CRYBB1: variants seen among roughly 807,000 people sequenced by gnomAD.
The protein encoded by CRYBB1 is crystallin beta B1.
CRYBB1 carries 16 observed loss-of-function variants against 29.5 expected under a neutral mutation model. The observed-to-expected ratio is 0.54, with a 90% confidence interval of 0.37 to 0.82. The LOEUF is 0.82. Among genes scored for constraint, CRYBB1 ranks in the 40% least tolerant of loss-of-function variants. The pLI is 0.00. For missense variants in CRYBB1, 300 were observed against 350.5 expected, an observed-to-expected ratio of 0.86 and a Z score of 1.15; for synonymous variants, 127 against 136.7, an observed-to-expected ratio of 0.93 and a Z score of 0.49.
Position 26,608,171 on chromosome 22 carries a change from T to G in CRYBB1, c.300-150A>C, listed in dbSNP as rs1929045271. 3.4e-6 allele frequency: 4 copies of G among 1,161,074 alleles called. No individual in the cohort carries two copies. The Admixed American group carries it at 7.9e-5, about 23-fold the overall frequency. 71.9% of individuals were successfully genotyped at this position (1,161,074 alleles called of 1,614,324 possible). ...GGCTGAACATGTCTGGGTTTGATTTTAGGCTCTGACACTTACAGGCTGTGT... is the reference window on the plus strand; with the variant it reads ...GGCTGAACATGTCTGGGTTTGATTTGAGGCTCTGACACTTACAGGCTGTGT... On this transcript the variant is annotated intron_variant, in intron 3 of 5. Transcript: ENST00000647684.
chr22:26,611,942 T>G, intron 3 of CRYBB1, 130 bp downstream of exon 3: 2 of 751,686 alleles, frequency 2.7e-6, no homozygotes, highest in South Asian at 2.8e-5. Context: ...ATATGAGGAT[T>G]GGACATAATG....
At chr22:26,604,761 G>T (rs1407287575) in intron 4 of CRYBB1, among the ~76,000 whole-genome samples, 2 of 152,202 alleles carry the variant, frequency 1.3e-5, no homozygotes, top group African/African-American at 4.8e-5. Context: ...TTGGGGCATG[G>T]CAAGACAAAT....
At chr22:26,604,572 G>A (rs1371820832) in intron 4 of CRYBB1, among the ~76,000 whole-genome samples, 2 of 152,194 alleles carry the variant, frequency 1.3e-5, no homozygotes, top group African/African-American at 4.8e-5. Flanking sequence ...GAGGGACCTT[G>A]GAGGTTAAGG....
chr22:26,611,913 T>C (rs978141046), intron 3 of CRYBB1, among the ~76,000 whole-genome samples, 159 bp downstream of exon 3: 4 of 152,138 alleles, frequency 2.6e-5, no homozygotes, highest in African/African-American at 7.2e-5. Flanking sequence ...TTGAGAACAA[T>C]TCCTCCCTCT....
chr22:26,604,107 G>A (rs1002888082), intron 4 of CRYBB1, among the ~76,000 whole-genome samples: 2 of 152,038 alleles, frequency 1.3e-5, no homozygotes, highest in African/African-American at 4.8e-5. Context: ...TAGGCCCAAG[G>A]GTTTGAAGAG....
intron 4 of CRYBB1, among the ~76,000 whole-genome samples, chr22:26,606,102 A>G (rs1928969731): frequency 6.6e-6 from 1 of 152,238 alleles, no homozygotes; most frequent in Non-Finnish European, 1.5e-5. Context: ...AGCGTGGGCC[A>G]GGGAAGCCAA....
intron 1 of CRYBB1, among the ~76,000 whole-genome samples, chr22:26,617,574 T>C (rs1388676932): frequency 6.6e-6 from 1 of 151,296 alleles, no homozygotes; most frequent in Non-Finnish European, 1.5e-5. Context: ...GATATTCTCA[T>C]TCTCTCTCTC....
chr22:26,605,754 T>A (rs1272486962), intron 4 of CRYBB1, among the ~76,000 whole-genome samples: 1 of 151,402 alleles, frequency 6.6e-6, no homozygotes, highest in Non-Finnish European at 1.5e-5. Flanking sequence ...CAGGTTTATT[T>A]TTTTTTTTTA....
intron 5 of CRYBB1, 44 bp from the exon 6 acceptor site, chr22:26,599,717 G>C (rs765398750): frequency 6.6e-7 from 1 of 1,524,622 alleles, no homozygotes; most frequent in South Asian, 1.1e-5. Context: ...AGCCTGTCTC[G>C]TTGCCTGGCA....
In CRYBB1 at chr22:26,607,560, G is replaced by GAAA. The variant is rs397868247; in HGVS notation, c.432+326_432+328dup. 2.1e-3 allele frequency among the ~76,000 whole-genome samples: 243 copies of GAAA among 116,266 alleles called. 1 individual carries two copies. The highest frequency in any genetic ancestry group is 9.3e-3 in the Middle Eastern group (2 of 216). 76.3% of individuals were successfully genotyped at this position (116,266 alleles called of 152,430 possible). On this transcript the variant is annotated intron_variant, in intron 4 of 5. Transcript: ENST00000647684. ...GGACACAGCAAAACCCCATCTTTGG[G>GAAA]AAAAAAAAAAAAAAAAAAAGCTCCC...
intron 2 of CRYBB1, among the ~76,000 whole-genome samples, chr22:26,615,180 C>T (rs1569207839): frequency 6.6e-6 from 1 of 152,152 alleles, no homozygotes; most frequent in Non-Finnish European, 1.5e-5. Context: ...TGCAAAATGG[C>T]CTACTTCTGT....
chr22:26,613,712 T>C (rs1206622194), intron 2 of CRYBB1, among the ~76,000 whole-genome samples: 1 of 152,174 alleles, frequency 6.6e-6, no homozygotes, highest in African/African-American at 2.4e-5. Context: ...AGCATGTGTG[T>C]TTGAGCAATA....
intron 2 of CRYBB1, 94 bp from the exon 3 acceptor site, chr22:26,612,284 G>A (rs1183662847): frequency 1.2e-6 from 1 of 814,312 alleles, no homozygotes; most frequent in Non-Finnish European, 2.1e-6. Context: ...CAGTGCAGGA[G>A]TCACATAAAA....
Position 26,616,201 on chromosome 22 carries a change from G to T in CRYBB1, c.119C>A (p.Ala40Asp). ...GCTGGTAATAGGCACGGTTGTTGGG[G>T]CCAGGGTAGTGCCGGGACTAGGGGA... ...GTSPSPGTTL[A>D]PTTVPITSAK... Residue 40 changes from alanine (A) to aspartate (D), a missense_variant, in exon 2 of 6, where the codon GCC (alanine) becomes GAC (aspartate). Coordinates refer to ENST00000647684, the MANE Select transcript of CRYBB1 (RefSeq NM_001887.4). 1 of 1,614,168 alleles carries T rather than the reference G, an allele frequency of 6.2e-7. No homozygotes were observed. Among genetic ancestry groups the T allele is most frequent in the East Asian group, 2.2e-5 (1 of 44,878 alleles).
intron 4 of CRYBB1, among the ~76,000 whole-genome samples, chr22:26,606,298 C>T (rs552369171): frequency 3.8e-4 from 58 of 152,266 alleles, no homozygotes; most frequent in African/African-American, 1.4e-3. Context: ...TTTATTTAAA[C>T]AAATATACCT....
chr22:26,609,624 A>T (rs1929094142), intron 3 of CRYBB1, among the ~76,000 whole-genome samples: 1 of 152,082 alleles, frequency 6.6e-6, no homozygotes. Flanking sequence ...TGGAGAATGG[A>T]TGTATGTATG....
intron 1 of CRYBB1, among the ~76,000 whole-genome samples, chr22:26,617,469 C>T (rs75523953): frequency 7.0e-4 from 107 of 152,272 alleles, no homozygotes; most frequent in African/African-American, 2.5e-3. Flanking sequence ...TCTGGGGTGC[C>T]CCCTGTTCAC....
At chr22:26,606,117 T>C (rs539121893) in intron 4 of CRYBB1, among the ~76,000 whole-genome samples, 4 of 152,308 alleles carry the variant, frequency 2.6e-5, no homozygotes, top group African/African-American at 9.6e-5. Context: ...AGCCAAAATA[T>C]TGGGCACCCC....
rs187623548 is a variant in CRYBB1, at chr22:26,602,796, G to A, written c.433-775C>T. On this transcript the variant is annotated intron_variant, in intron 4 of 5. Transcript: ENST00000647684. ...ATGCTTCTTACAAACCAGGTGAAAC[G>A]TGGAACATTGGTGGAACACAGATCT... 9.2e-5 allele frequency among the ~76,000 whole-genome samples: 14 copies of A among 152,082 alleles called. No homozygotes were observed. The East Asian group carries it at 2.1e-3, about 23-fold the overall frequency.
Sources: allele counts gnomAD v4.1 joint callset (sites outside exome capture counted in the v4.1 genomes callset), GRCh38; gene constraint gnomAD v4.1.1; transcripts MANE v1.5; gene names NCBI Gene and HGNC (gene_info 2026-07-23, HGNC 2026-07-21).